The following MMEL1 variants were observed in gnomAD, a reference collection of about 807,000 sequenced individuals.
MMEL1 encodes the protein membrane metallo-endopeptidase-like 1.
In MMEL1, 98 loss-of-function variants were observed where a neutral mutation model predicts 117.1. The ratio of observed to expected loss-of-function variants is 0.84; its 90% CI spans 0.71 to 0.99. The LOEUF (loss-of-function observed/expected upper bound fraction) is 0.99. Among genes scored for constraint, MMEL1 ranks in the 50% least tolerant of loss-of-function variants. The probability of loss-of-function intolerance (pLI) is 0.00; values close to 1 mark genes in which losing one functional copy is unlikely to be tolerated. For missense variants in MMEL1, 1,014 were observed against 1,049.1 expected (o/e 0.97, Z 0.46); for synonymous variants, 390 against 415.1 (o/e 0.94, Z 0.74).
intron 2 of MMEL1, among the ~76,000 whole-genome samples, chr1:2,620,719 T>G (rs1645276645): frequency 6.6e-6 from 1 of 150,784 alleles, no homozygotes; most frequent in Admixed American, 6.6e-5. Context: ...AGCAAGAAGG[T>G]GGCCATTTGG....
intron 23 of MMEL1, 76 bp downstream of exon 23, chr1:2,591,477 GCTTT>G: frequency 5.9e-6 from 7 of 1,185,856 alleles, no homozygotes; most frequent in Non-Finnish European, 8.8e-6. Flanking sequence ...CACTTTTTGT[GCTTT>G]CTTCTTTTAC....
rs1364327857 is a variant in MMEL1 at position 2,629,319 on chromosome 1, A to G, written c.154+12T>C. On this transcript the variant is annotated intron_variant, in intron 2 of 23. Transcript: ENST00000378412. ...GCACGGGGACAGGCGGGGGCGGGGCACCCGCACTCACCTCTGCGGTCGGCG... is the reference window on the plus strand; with the variant it reads ...GCACGGGGACAGGCGGGGGCGGGGCGCCCGCACTCACCTCTGCGGTCGGCG... 1.3e-6 allele frequency: 2 copies of G among 1,523,432 alleles called. No homozygotes were observed. Among genetic ancestry groups the G allele is most frequent in the Non-Finnish European group, 1.8e-6 (2 of 1,137,584 alleles). The allele number at this position is 1,523,432 out of a possible 1,614,324, so 94.4% of individuals were successfully genotyped here. A position where few individuals can be genotyped will look rare whatever the true frequency, so the allele number is the denominator to read the frequency against.
chr1:2,598,127 G>A (rs1210675992), intron 13 of MMEL1, 80 bp downstream of exon 13: 1 of 1,360,478 alleles, frequency 7.4e-7, no homozygotes, highest in Admixed American at 1.7e-5. Context: ...GGACCTCGGT[G>A]TTTGCCTACA....
At chr1:2,591,394 GA>G (rs1644700819) in intron 23 of MMEL1, 162 bp downstream of exon 23, 1 of 652,774 alleles carries the variant, frequency 1.5e-6, no homozygotes, top group East Asian at 2.7e-5. Flanking sequence ...GTCTGTAAGA[GA>G]ATGTCCCTGA....
In MMEL1 at chr1:2,606,969, C is replaced by A. The variant is rs769552695; in HGVS notation, c.631+5G>T. On this transcript the variant is annotated splice_donor_5th_base_variant and intron_variant, in intron 7 of 23. Coordinates refer to ENST00000378412, the MANE Select transcript of MMEL1 (RefSeq NM_033467.4). ...CTGTGAGGCTGCTGCCAGGCCCGGC[C>A]TTACCTACGGTCTCGTTCCACCTGT... 3.7e-6 allele frequency: 6 copies of A among 1,611,720 alleles called. 1 individual carries two copies. The South Asian group carries it at 6.6e-5, about 18-fold the overall frequency.
chr1:2,608,526 TACACATAC>T (rs922987394), intron 6 of MMEL1, among the ~76,000 whole-genome samples: 1 of 127,786 alleles, frequency 7.8e-6, no homozygotes, highest in Non-Finnish European at 1.6e-5. Context: ...TATACACACA[TACACATAC>T]ACACATACAC....
intron 21 of MMEL1, 103 bp from the exon 22 acceptor site, chr1:2,592,130 G>A (rs1222467661): frequency 1.1e-5 from 10 of 906,604 alleles, no homozygotes; most frequent in African/African-American, 6.6e-5. Flanking sequence ...ACCTACCCCT[G>A]TGGGGGTCCT....
intron 2 of MMEL1, among the ~76,000 whole-genome samples, chr1:2,627,881 C>T (rs572867769): frequency 1.8e-4 from 28 of 152,254 alleles, no homozygotes; most frequent in African/African-American, 6.7e-4. Flanking sequence ...GTCCAGGGCC[C>T]GTTTCCACAC....
At chr1:2,619,614 T>C (rs10910112) in intron 2 of MMEL1, among the ~76,000 whole-genome samples, 67,997 of 148,262 alleles carry the variant, frequency 0.46, 17,015 homozygotes, top group African/African-American at 0.67. Flanking sequence ...TCCAAGATCG[T>C]GCCACTGCAT....
At chr1:2,606,917 C>T in intron 7 of MMEL1, 57 bp downstream of exon 7, 1 of 1,488,088 alleles carries the variant, frequency 6.7e-7, no homozygotes, top group South Asian at 1.1e-5. Flanking sequence ...ACCGAAGGAG[C>T]CCTGGTCCTG....
At chr1:2,610,322 G>C (rs1266422245) in intron 4 of MMEL1, among the ~76,000 whole-genome samples, 1 of 152,206 alleles carries the variant, frequency 6.6e-6, no homozygotes, top group African/African-American at 2.4e-5. Flanking sequence ...ATTCAGGCAT[G>C]AGTCGGCTGG....
intron 2 of MMEL1, among the ~76,000 whole-genome samples, chr1:2,628,421 AG>A (rs1440133893): frequency 6.6e-6 from 1 of 152,252 alleles, no homozygotes; most frequent in Non-Finnish European, 1.5e-5. Context: ...CTAGTAACAC[AG>A]GCTGAGGCGC....
rs1331002469 is a variant in MMEL1, at chr1:2,612,251, C to T, written c.155-47G>A. On this transcript the variant is annotated intron_variant, in intron 2 of 23. Transcript: ENST00000378412. The surrounding 1 kb of genome is among the most constrained non-coding windows in gnomAD (Gnocchi z 5.4). ...AGCTGCGGCCTCCTGCCTGCAGCTCCCTGGGGGTGCTGGGGGCCTCCCTGG... is the reference window on the plus strand; with the variant it reads ...AGCTGCGGCCTCCTGCCTGCAGCTCTCTGGGGGTGCTGGGGGCCTCCCTGG... 6.6e-7 allele frequency: 1 copy of T among 1,513,202 alleles called. No homozygotes were observed. The allele number at this position is 1,513,202 out of a possible 1,614,324, so 93.7% of individuals were successfully genotyped here.
At chr1:2,597,408 C>T (rs1160522488) in intron 13 of MMEL1, among the ~76,000 whole-genome samples, 1 of 152,074 alleles carries the variant, frequency 6.6e-6, no homozygotes, top group Non-Finnish European at 1.5e-5. Context: ...GTGGGGACCT[C>T]TGTCCCTCCC....
chr1:2,609,559 T>C, intron 5 of MMEL1, 111 bp downstream of exon 5: 2 of 1,530,012 alleles, frequency 1.3e-6, no homozygotes, highest in Non-Finnish European at 1.8e-6. Context: ...CTGCGCCCAC[T>C]GGACCAAGGA....
Position 2,605,504 on chromosome 1 carries a change from C to T in MMEL1, c.816+54G>A, listed in dbSNP as rs767780232. ...GGTGGGCAACGGGAAGGCCAGACCACGGGGTAGGGGGTGATGGGGGGGTCA... is the reference window on the plus strand; with the variant it reads ...GGTGGGCAACGGGAAGGCCAGACCATGGGGTAGGGGGTGATGGGGGGGTCA... On this transcript the variant is annotated intron_variant, in intron 9 of 23. Coordinates refer to ENST00000378412, the MANE Select transcript of MMEL1 (RefSeq NM_033467.4). 89 of 1,513,438 alleles carry T rather than the reference C, an allele frequency of 5.9e-5. No homozygotes were observed. In the Admixed American group the frequency reaches 8.6e-4, roughly 15 times the overall value. 93.8% of individuals were successfully genotyped at this position (1,513,438 alleles called of 1,614,324 possible). A position where few individuals can be genotyped will look rare whatever the true frequency, so the allele number is the denominator to read the frequency against.
intron 2 of MMEL1, 151 bp downstream of exon 2, chr1:2,629,180 C>G (rs1638415969): frequency 3.7e-6 from 3 of 806,924 alleles, no homozygotes; most frequent in Non-Finnish European, 5.4e-6. Context: ...GCAGCTCGGC[C>G]CCGGGAGCCC....
rs1443698272 is a variant in MMEL1 at position 2,606,334 on chromosome 1, G to A, written c.664C>T (p.Leu222=). Reference sequence around the variant, plus strand: ...CGCCTGTTGAACTGTGAGTTCATCAGCGCCAGCTGCCGCTCCAGCTCCCAC... The same window carrying A: ...CGCCTGTTGAACTGTGAGTTCATCAACGCCAGCTGCCGCTCCAGCTCCCAC... ...LEWELERQLA[L]MNSQFNRRVL... Residue 222 remains leucine (L), a synonymous_variant, in exon 8 of 24, where the codon CTG becomes TTG. Transcript: ENST00000378412. 2.5e-6 allele frequency: 4 copies of A among 1,611,612 alleles called. No homozygotes were observed. In the South Asian group the frequency reaches 4.4e-5, roughly 18 times the overall value.
rs2100940139 is a variant in MMEL1, at chr1:2,604,236, G to C, written c.862C>G (p.Leu288Val). The C allele has an allele frequency of 6.2e-7, 1 of 1,612,194 alleles. No homozygotes were observed. Among genetic ancestry groups the C allele is most frequent in the African/African-American group, 1.3e-5 (1 of 75,010 alleles). ...CTGGGCAGGTTTGCATCCTCCCGCA[G>C]CAACGTGGCCACTGACACCATGAAC... ...LQFMVSVATL[L>V]REDANLPRDS... is the part of the protein sequence containing the mutation. Residue 288 changes from leucine to valine, a missense_variant, in exon 10 of 24, where the codon CTG becomes GTG. Physicochemically the swap from Leu to Val is conservative, Grantham distance 32. Coordinates refer to ENST00000378412, the MANE Select transcript of MMEL1 (RefSeq NM_033467.4).
Sources: allele counts gnomAD v4.1 joint callset (sites outside exome capture counted in the v4.1 genomes callset), GRCh38; gene constraint gnomAD v4.1.1; non-coding constraint Gnocchi (gnomAD v3.1); transcripts MANE v1.5; gene names NCBI Gene and HGNC (gene_info 2026-07-23, HGNC 2026-07-21).